The following PCDHA4 variants were observed in gnomAD, a reference collection of about 807,000 sequenced individuals.
PCDHA4 encodes protocadherin alpha 4, also known as protocadherin alpha-4.
PCDHA4 carries 49 observed loss-of-function variants against 61.4 expected under a neutral mutation model. The ratio of observed to expected loss-of-function variants is 0.80; its 90% CI spans 0.63 to 1.01. The LOEUF is 1.01. Among genes scored for constraint, PCDHA4 ranks in the 50% least tolerant of loss-of-function variants. The pLI, the probability that PCDHA4 is intolerant of heterozygous loss-of-function variation, is 0.00. For missense variants in PCDHA4, 1,254 were observed against 1,235.8 expected (o/e 1.01, Z -0.22); for synonymous variants, 590 against 550.3 (o/e 1.07, Z -1.01).
At chr5:140,905,787 G>C (rs1468265319) in intron 1 of PCDHA4, among the ~76,000 whole-genome samples, 1 of 152,012 alleles carries the variant, frequency 6.6e-6, no homozygotes, top group African/African-American at 2.4e-5. Flanking sequence ...TATTAGTCAG[G>C]GTTCTCTAGA....
intron 1 of PCDHA4, 144 bp downstream of exon 1, chr5:140,809,716 AT>A (rs1764530586): frequency 1.1e-6 from 1 of 933,822 alleles, no homozygotes; most frequent in Non-Finnish European, 1.6e-6. Context: ...GTCTTTTGGA[AT>A]TATAGGACAT....
chr5:140,915,634 CT>C (rs782528552), intron 1 of PCDHA4, among the ~76,000 whole-genome samples: 9 of 150,114 alleles, frequency 6.0e-5, no homozygotes, highest in Non-Finnish European at 1.3e-4. Context: ...CTGTCTCTCT[CT>C]CTCTCTCTCT....
At position 140,856,102 on chromosome 5, in the gene PCDHA4, TCTC is replaced by T. The variant is rs782690525; in HGVS notation, c.2385+46534_2385+46536del. On this transcript the variant is annotated intron_variant, in intron 1 of 3. Coordinates refer to ENST00000530339, the MANE Select transcript of PCDHA4 (RefSeq NM_018907.4). Reference sequence around the variant, plus strand: ...TCCAGTGTCTGCTGCTCTCGCTTCTTCTCCTCGCAGCCTGGGAGGTGGGGAGCG... The same window carrying T: ...TCCAGTGTCTGCTGCTCTCGCTTCTTCTCGCAGCCTGGGAGGTGGGGAGCG... 5.6e-6 allele frequency: 9 copies of T among 1,597,726 alleles called. 1 individual carries two copies. The South Asian group carries it at 7.7e-5, about 14-fold the overall frequency.
chr5:140,894,253 T>C (rs1554186000), intron 1 of PCDHA4, among the ~76,000 whole-genome samples: 1 of 152,112 alleles, frequency 6.6e-6, no homozygotes, highest in Non-Finnish European at 1.5e-5. Context: ...TTCTTTTCTT[T>C]ACAAGTGGTA....
At chr5:140,824,163 C>G in intron 1 of PCDHA4, 1 of 1,610,816 alleles carries the variant, frequency 6.2e-7, no homozygotes, top group South Asian at 1.1e-5. Context: ...TCTTTCCCTC[C>G]CAATTTTCAA....
chr5:140,903,192 G>A (rs2070083529), intron 1 of PCDHA4, among the ~76,000 whole-genome samples: 1 of 152,160 alleles, frequency 6.6e-6, no homozygotes, highest in South Asian at 2.1e-4. Flanking sequence ...GTATAAAAGA[G>A]TGTCCTTTTC....
chr5:140,896,467 G>A (rs191220082), intron 1 of PCDHA4, among the ~76,000 whole-genome samples: 1,607 of 151,540 alleles, frequency 0.011, 16 homozygotes, highest in African/African-American at 0.028. Context: ...GGTTCAAGCG[G>A]TTCTCCTGCC....
At chr5:140,861,589 T>C in intron 1 of PCDHA4, 2 of 373,158 alleles carry the variant, frequency 5.4e-6, no homozygotes, top group South Asian at 4.9e-5. Context: ...CATGTGGAGG[T>C]GAAAGTGAAG....
chr5:140,843,854 A>G, intron 1 of PCDHA4: 1 of 943,502 alleles, frequency 1.1e-6, no homozygotes, highest in Non-Finnish European at 1.6e-6. Flanking sequence ...ACCTTTTATA[A>G]TTAATTGAAT....
chr5:140,837,766 TCCTGGG>T (rs1439414038), intron 1 of PCDHA4, among the ~76,000 whole-genome samples: 1 of 151,794 alleles, frequency 6.6e-6, no homozygotes, highest in Admixed American at 6.6e-5. Context: ...AACCTGAAAG[TCCTGGG>T]CTCACAGGAT....
intron 3 of PCDHA4, among the ~76,000 whole-genome samples, chr5:140,994,812 A>G (rs565084284): frequency 6.6e-5 from 10 of 152,328 alleles, no homozygotes; most frequent in African/African-American, 2.2e-4. Flanking sequence ...CAAAATACAA[A>G]AAACTGAATT....
intron 3 of PCDHA4, among the ~76,000 whole-genome samples, chr5:141,003,559 T>C (rs2098129977): frequency 6.6e-6 from 1 of 152,106 alleles, no homozygotes; most frequent in Admixed American, 6.5e-5. Context: ...GTGATCCACC[T>C]GCCTCAGACT....
intron 1 of PCDHA4, among the ~76,000 whole-genome samples, chr5:140,919,580 A>G (rs1454243319): frequency 1.3e-5 from 2 of 152,194 alleles, no homozygotes; most frequent in African/African-American, 4.8e-5. Context: ...TTAGAATGTA[A>G]CATGGTAATT....
rs1764416087 is a variant in PCDHA4 at position 140,809,284 on chromosome 5, C to T, written c.2097C>T (p.Tyr699=). 1 of 1,614,114 alleles carries T rather than the reference C, an allele frequency of 6.2e-7. No homozygotes were observed. The highest frequency in any genetic ancestry group is 8.5e-7 in the Non-Finnish European group (1 of 1,179,958). ...PDAALVDVNV[Y]LIIAICAVSS... ...CTGCGCTGGTGGATGTCAACGTATA[C>T]CTGATCATTGCCATCTGCGCGGTGT... The change falls in exon 1 of 4, where the codon TAC becomes TAT. Residue 699 remains tyrosine, a synonymous_variant. Transcript: ENST00000530339.
chr5:140,966,707 A>C, intron 1 of PCDHA4: 1 of 1,379,868 alleles, frequency 7.2e-7, no homozygotes, highest in Non-Finnish European at 9.3e-7. Context: ...GGCGTGGGGC[A>C]CGGCTGGGGA....
At position 140,926,851 on chromosome 5, in the gene PCDHA4, T is replaced by G. The variant is rs201136210; in HGVS notation, c.2386-52098T>G. On this transcript the variant is annotated intron_variant, in intron 1 of 3. Transcript: ENST00000530339. The stretch of plus-strand genomic sequence containing the variant: ...TCCGGAGCATGGTCCTGGGTCACCG[T>G]TGGTGTAGCGTGTTGGTGGAACGTG... 3 of 1,517,102 alleles carry G rather than the reference T, an allele frequency of 2.0e-6. No homozygotes were observed. In the African/African-American group the frequency reaches 4.2e-5, roughly 21 times the overall value. The allele number at this position is 1,517,102 out of a possible 1,614,324, so 94.0% of individuals were successfully genotyped here.
At position 140,982,704 on chromosome 5, in the gene PCDHA4, C is replaced by T. The variant is rs1393323812; in HGVS notation, c.2533+141C>T. ...CTTTTTTCCATACATACATGATTTCCTTACATATATGATTATTTTGATTTT... is the reference window on the plus strand; with the variant it reads ...CTTTTTTCCATACATACATGATTTCTTTACATATATGATTATTTTGATTTT... On this transcript the variant is annotated intron_variant, in intron 3 of 3. Coordinates refer to ENST00000530339, the MANE Select transcript of PCDHA4 (RefSeq NM_018907.4). 8 of 1,377,410 alleles carry T rather than the reference C, an allele frequency of 5.8e-6. No homozygotes were observed. In the African/African-American group the frequency reaches 1.2e-4, roughly 20 times the overall value. The allele number at this position is 1,377,410 out of a possible 1,614,324, so 85.3% of individuals were successfully genotyped here. A position where few individuals can be genotyped will look rare whatever the true frequency, so the allele number is the denominator to read the frequency against.
chr5:140,910,608 C>A (rs1161072744), intron 1 of PCDHA4, among the ~76,000 whole-genome samples: 3 of 152,208 alleles, frequency 2.0e-5, no homozygotes, highest in Non-Finnish European at 2.9e-5. Context: ...TCTAAACTGA[C>A]TAATCCACTC....
At chr5:140,883,897 G>A in intron 1 of PCDHA4, 1 of 1,613,332 alleles carries the variant, frequency 6.2e-7, no homozygotes, top group Non-Finnish European at 8.5e-7. Flanking sequence ...CTGGCGTGCC[G>A]CCTCTGGGCA....
Sources: gnomAD v4.1 joint callset for allele counts (sites outside exome capture counted in the v4.1 genomes callset) on GRCh38, gnomAD v4.1.1 for gene constraint, MANE v1.5 for transcripts, NCBI Gene and HGNC (gene_info 2026-07-23, HGNC 2026-07-21) for gene names.